MAN1A1: variants seen among roughly 807,000 people sequenced by gnomAD.
The protein encoded by MAN1A1 is mannosidase alpha class 1A member 1, also known as mannosyl-oligosaccharide 1,2-alpha-mannosidase IA.
Under a neutral mutation model 70.8 loss-of-function variants are expected in MAN1A1, and 29 were observed. The ratio of observed to expected loss-of-function variants is 0.41; its 90% CI spans 0.31 to 0.56. The LOEUF (loss-of-function observed/expected upper bound fraction) is 0.56. Among genes scored for constraint, MAN1A1 ranks in the 20% least tolerant of loss-of-function variants. The probability of loss-of-function intolerance (pLI) is 0.29; values close to 1 mark genes in which losing one functional copy is unlikely to be tolerated. For synonymous variants in MAN1A1, 349 were observed against 330.1 expected (o/e 1.06, Z -0.62); for missense variants, 747 against 841.3 (o/e 0.89, Z 1.39).
At chr6:119,225,110 C>T (rs1774470267) in intron 6 of MAN1A1, among the ~76,000 whole-genome samples, 1 of 151,948 alleles carries the variant, frequency 6.6e-6, no homozygotes, top group South Asian at 2.1e-4. Flanking sequence ...CGCCACTACA[C>T]TCCAGCCTGG....
At chr6:119,221,190 T>C (rs1774350175) in intron 6 of MAN1A1, among the ~76,000 whole-genome samples, 1 of 151,924 alleles carries the variant, frequency 6.6e-6, no homozygotes, top group African/African-American at 2.4e-5. Flanking sequence ...ATATTCTCTC[T>C]TTCAATATGT....
At chr6:119,202,185 A>G (rs1488970174) in intron 7 of MAN1A1, among the ~76,000 whole-genome samples, 1 of 152,188 alleles carries the variant, frequency 6.6e-6, no homozygotes, top group East Asian at 1.9e-4. Context: ...CACTTTGTAT[A>G]GTTGTACCAA....
intron 7 of MAN1A1, among the ~76,000 whole-genome samples, chr6:119,203,073 A>AG (rs1773760730): frequency 6.6e-6 from 1 of 152,180 alleles, no homozygotes; most frequent in Non-Finnish European, 1.5e-5. Context: ...GTCATCTACA[A>AG]GCCCAGGGAA....
chr6:119,250,441 T>A (rs989108996), intron 5 of MAN1A1, among the ~76,000 whole-genome samples: 4 of 152,210 alleles, frequency 2.6e-5, no homozygotes, highest in South Asian at 4.1e-4. Flanking sequence ...ACAATGGAGA[T>A]AACAACAGCA....
At chr6:119,220,004 C>A (rs1485498101) in intron 6 of MAN1A1, among the ~76,000 whole-genome samples, 1 of 151,520 alleles carries the variant, frequency 6.6e-6, no homozygotes, top group Non-Finnish European at 1.5e-5. Flanking sequence ...CTTACAGAAT[C>A]ATCATTTAAA....
At position 119,209,015 on chromosome 6, in the gene MAN1A1, A is replaced by G. The variant is rs1161473936; in HGVS notation, c.993-4133T>C. On this transcript the variant is annotated intron_variant, in intron 6 of 12. Transcript: ENST00000368468. ...GAAGTGGAGGCAGGAGGATCACTTG[A>G]GCCTGGGAGGTGGAGGTTGCAGTGA... 2.1e-5 allele frequency among the ~76,000 whole-genome samples: 3 copies of G among 145,964 alleles called. No homozygotes were observed. In the East Asian group the frequency reaches 6.3e-4, roughly 31 times the overall value.
intron 5 of MAN1A1, among the ~76,000 whole-genome samples, chr6:119,265,220 C>T (rs765220548): frequency 3.4e-4 from 51 of 152,098 alleles, no homozygotes; most frequent in Middle Eastern, 3.4e-3. Flanking sequence ...CCTACCTCAG[C>T]CTCTCAAGTA....
intron 3 of MAN1A1, among the ~76,000 whole-genome samples, chr6:119,302,355 T>C (rs1203276997): frequency 1.3e-5 from 2 of 152,096 alleles, no homozygotes; most frequent in African/African-American, 4.8e-5. Flanking sequence ...AAACTTCTCT[T>C]AGAAATTTCA....
chr6:119,191,820 C>T (rs4946403), intron 9 of MAN1A1, among the ~76,000 whole-genome samples: 108,352 of 152,060 alleles, frequency 0.71, 40,909 homozygotes, highest in Non-Finnish European at 0.83. Context: ...GCCATATCTT[C>T]AGTAATCAAT....
chr6:119,248,243 A>C lies in MAN1A1; in HGVS notation c.992+17T>G. The stretch of plus-strand genomic sequence containing the variant: ...TATTTCACCTTAAAACATGTTGTTG[A>C]AAATGAAGAGTTTTACCTTTTCATA... On this transcript the variant is annotated intron_variant, in intron 6 of 12. Transcript: ENST00000368468. 1 of 1,519,862 alleles carries C rather than the reference A, an allele frequency of 6.6e-7. No homozygotes were observed. The highest frequency in any genetic ancestry group is 9.1e-7 in the Non-Finnish European group (1 of 1,095,790). The allele number at this position is 1,519,862 out of a possible 1,614,324, so 94.1% of individuals were successfully genotyped here.
At chr6:119,246,737 T>C (rs1444311872) in intron 6 of MAN1A1, among the ~76,000 whole-genome samples, 1 of 152,054 alleles carries the variant, frequency 6.6e-6, no homozygotes, top group Non-Finnish European at 1.5e-5. Context: ...ATTCTGAAGA[T>C]ATAAAAGGTA....
At chr6:119,320,681 C>T (rs1391533134) in intron 2 of MAN1A1, among the ~76,000 whole-genome samples, 8 of 150,286 alleles carry the variant, frequency 5.3e-5, no homozygotes, top group South Asian at 2.1e-4. Context: ...ACTCAGAAAA[C>T]AGCAACATCA....
At chr6:119,246,141 T>C (rs1775161878) in intron 6 of MAN1A1, among the ~76,000 whole-genome samples, 1 of 152,182 alleles carries the variant, frequency 6.6e-6, no homozygotes, top group Non-Finnish European at 1.5e-5. Flanking sequence ...GGGAGGCCAG[T>C]ACTAATTAAG....
At chr6:119,349,479 G>A (rs950483998) in intron 1 of MAN1A1, 63 bp downstream of exon 1, 2 of 957,700 alleles carry the variant, frequency 2.1e-6, no homozygotes, top group Non-Finnish European at 2.5e-6. Context: ...GGGTAGGGGA[G>A]GGGTGTCCCG....
intron 11 of MAN1A1, among the ~76,000 whole-genome samples, chr6:119,187,544 T>A (rs1773324187): frequency 6.6e-6 from 1 of 152,176 alleles, no homozygotes; most frequent in African/African-American, 2.4e-5. Flanking sequence ...CTTCCTAAGA[T>A]ATTAGTTAAA....
intron 5 of MAN1A1, among the ~76,000 whole-genome samples, chr6:119,254,154 C>T (rs1775400557): frequency 6.6e-6 from 1 of 152,112 alleles, no homozygotes; most frequent in Non-Finnish European, 1.5e-5. Context: ...TTCTAAAGGG[C>T]AATTAAGTTT....
At chr6:119,297,735 C>CT (rs386408421) in intron 4 of MAN1A1, among the ~76,000 whole-genome samples, 14,761 of 95,654 alleles carry the variant, frequency 0.15, 1,084 homozygotes, top group Admixed American at 0.21. Context: ...AAATAGTTTC[C>CT]TTTTTTTTTT....
Position 119,324,417 on chromosome 6 carries a change from G to C in MAN1A1, c.604-17425C>G, listed in dbSNP as rs12665340. Among the ~76,000 whole-genome samples the C allele has an allele frequency of 0.026, 3,903 of 152,186 alleles. 261 individuals carry two copies. The East Asian group carries it at 0.27, about 11-fold the overall frequency. ...GGCTATTGGTAGTTAAGTTTGGGGG[G>C]GAATCGAAAGTTATACGCAGGTTTT... On this transcript the variant is annotated intron_variant, in intron 2 of 12. Coordinates refer to ENST00000368468, the MANE Select transcript of MAN1A1 (RefSeq NM_005907.4).
intron 11 of MAN1A1, among the ~76,000 whole-genome samples, chr6:119,183,158 G>C (rs1773196034): frequency 6.6e-6 from 1 of 152,208 alleles, no homozygotes; most frequent in Admixed American, 6.5e-5. Context: ...AGAAGGGAGA[G>C]AGCAGAGAGA....
Sources: allele counts gnomAD v4.1 joint callset (sites outside exome capture counted in the v4.1 genomes callset), GRCh38; gene constraint gnomAD v4.1.1; transcripts MANE v1.5; gene names NCBI Gene and HGNC (gene_info 2026-07-23, HGNC 2026-07-21).